The following PRAG1 variants were observed in gnomAD, a reference collection of about 807,000 sequenced individuals.
The protein encoded by PRAG1 is PEAK1 related, kinase-activating pseudokinase 1, also known as inactive tyrosine-protein kinase PRAG1.
Under a neutral mutation model 95.6 loss-of-function variants are expected in PRAG1, and 110 were observed. The ratio of observed to expected loss-of-function variants is 1.15; its 90% CI spans 0.99 to 1.35. The LOEUF is 1.35. Among genes scored for constraint, PRAG1 ranks in the 40% most tolerant of loss-of-function variants. The pLI is 0.00. For missense variants in PRAG1, 2,554 were observed against 1,864.7 expected, an observed-to-expected ratio of 1.37 and a Z score of -6.81; for synonymous variants, 1,052 against 819.4, an observed-to-expected ratio of 1.28 and a Z score of -4.85.
At chr8:8,374,559 G>T in intron 3 of PRAG1, 1 of 730,526 alleles carries the variant, frequency 1.4e-6, no homozygotes, top group Non-Finnish European at 1.7e-6. Flanking sequence ...TACCTCTTAG[G>T]GCTGTTCTGA....
At position 8,368,854 on chromosome 8, in the gene PRAG1, G is replaced by A. The variant is rs1390351211; in HGVS notation, c.2162+7393C>T. Among the ~76,000 whole-genome samples the A allele has an allele frequency of 9.3e-5, 14 of 149,998 alleles. No individual in the cohort carries two copies. In the Admixed American group the frequency reaches 9.4e-4, roughly 10 times the overall value. On this transcript the variant is annotated intron_variant, in intron 3 of 5. Coordinates refer to ENST00000615670, the MANE Select transcript of PRAG1 (RefSeq NM_001080826.3). ...TCTGGTGGAAAAAAAAAAGTGTTTA[G>A]ATGATTACTACCTGAGAAAATATTA...
intron 5 of PRAG1, 46 bp from the exon 6 acceptor site, chr8:8,319,348 C>G: frequency 6.9e-7 from 1 of 1,454,340 alleles, no homozygotes; most frequent in Non-Finnish European, 9.2e-7. Context: ...GCCCATGGTT[C>G]CGCCCAGCAA....
chr8:8,372,584 G>A (rs2945855), intron 3 of PRAG1, among the ~76,000 whole-genome samples: 1 of 152,188 alleles, frequency 6.6e-6, no homozygotes, highest in Non-Finnish European at 1.5e-5. Flanking sequence ...GGGTTGGGCA[G>A]GCACTTAACC....
intron 3 of PRAG1, among the ~76,000 whole-genome samples, chr8:8,348,075 C>A (rs1799405314): frequency 6.6e-6 from 1 of 152,148 alleles, no homozygotes; most frequent in South Asian, 2.1e-4. Context: ...TGCCACCACA[C>A]CCGGTTAAGT....
At chr8:8,326,156 ATAAT>A (rs1360151646) in intron 5 of PRAG1, among the ~76,000 whole-genome samples, 1 of 146,036 alleles carries the variant, frequency 6.8e-6, no homozygotes, top group Non-Finnish European at 1.5e-5. Flanking sequence ...GTATATATAA[ATAAT>A]AAATAATTAT....
At chr8:8,373,504 C>G (rs1024267877) in intron 3 of PRAG1, among the ~76,000 whole-genome samples, 2 of 144,254 alleles carry the variant, frequency 1.4e-5, no homozygotes, top group Admixed American at 1.4e-4. Context: ...GGCAGGAGTA[C>G]AGTGGCACAA....
chr8:8,363,401 T>C (rs1799907675), intron 3 of PRAG1, among the ~76,000 whole-genome samples: 1 of 152,172 alleles, frequency 6.6e-6, no homozygotes, highest in African/African-American at 2.4e-5. Context: ...AGGAAGGAAA[T>C]TCTGACACAT....
intron 3 of PRAG1, among the ~76,000 whole-genome samples, chr8:8,361,581 C>T (rs909702514): frequency 6.6e-6 from 1 of 152,202 alleles, no homozygotes; most frequent in South Asian, 2.1e-4. Flanking sequence ...AGAACAGGCC[C>T]TTGCCACCAG....
At chr8:8,323,264 T>A (rs546937704) in intron 5 of PRAG1, among the ~76,000 whole-genome samples, 2 of 152,042 alleles carry the variant, frequency 1.3e-5, no homozygotes, top group Non-Finnish European at 2.9e-5. Context: ...GTTCTCATGA[T>A]AGTGAGTGAG....
intron 3 of PRAG1, among the ~76,000 whole-genome samples, chr8:8,362,993 G>A (rs141889057): frequency 6.6e-6 from 1 of 151,866 alleles, no homozygotes; most frequent in East Asian, 1.9e-4. Flanking sequence ...GCCTGGGCAT[G>A]CTGAGACATG....
rs536478179 is a variant in PRAG1, at chr8:8,339,985, G to C, written c.2163-350C>G. On this transcript the variant is annotated intron_variant, in intron 3 of 5. Coordinates refer to ENST00000615670, the MANE Select transcript of PRAG1 (RefSeq NM_001080826.3). ...TAAAATCTCTACAAAGAAAAATAAA[G>C]ATATTATCATACACACCAATGTATA... Among the ~76,000 whole-genome samples, 5 of 152,296 alleles carry C rather than the reference G, an allele frequency of 3.3e-5. No individual in the cohort carries two copies. In the East Asian group the frequency reaches 9.6e-4, roughly 29 times the overall value.
At chr8:8,371,698 C>T (rs1370038662) in intron 3 of PRAG1, among the ~76,000 whole-genome samples, 2 of 152,026 alleles carry the variant, frequency 1.3e-5, no homozygotes, top group Non-Finnish European at 2.9e-5. Context: ...GGTGAAACTC[C>T]GTCTCTACAA....
intron 5 of PRAG1, among the ~76,000 whole-genome samples, chr8:8,326,350 G>C (rs1027198426): frequency 7.9e-5 from 12 of 151,696 alleles, no homozygotes; most frequent in African/African-American, 2.9e-4. Context: ...ACCCCACCAA[G>C]GCCATTTCAA....
intron 3 of PRAG1, among the ~76,000 whole-genome samples, chr8:8,357,062 C>T (rs974748080): frequency 1.3e-5 from 2 of 152,072 alleles, no homozygotes; most frequent in Admixed American, 1.3e-4. Context: ...AACTTAAGAC[C>T]TAAAACTATA....
chr8:8,363,346 G>A (rs1166459349), intron 3 of PRAG1, among the ~76,000 whole-genome samples: 1 of 152,080 alleles, frequency 6.6e-6, no homozygotes, highest in Non-Finnish European at 1.5e-5. Context: ...TTTCACAATA[G>A]TACAACGGTA....
chr8:8,369,778 C>G (rs547749126), intron 3 of PRAG1, among the ~76,000 whole-genome samples: 24 of 150,416 alleles, frequency 1.6e-4, no homozygotes, highest in African/African-American at 5.9e-4. Flanking sequence ...AGGGAGAGGA[C>G]TATAAGGTAC....
chr8:8,373,794 T>G (rs1186740163), intron 3 of PRAG1, among the ~76,000 whole-genome samples: 1 of 152,170 alleles, frequency 6.6e-6, no homozygotes, highest in African/African-American at 2.4e-5. Context: ...TGTTTATTTT[T>G]TAAGAGCTGA....
chr8:8,356,829 T>C (rs1359573517), intron 3 of PRAG1, among the ~76,000 whole-genome samples: 3 of 152,186 alleles, frequency 2.0e-5, no homozygotes, highest in Admixed American at 6.5e-5. Flanking sequence ...TACTAGCATA[T>C]AGACATATAG....
At chr8:8,350,924 AT>A (rs1799499793) in intron 3 of PRAG1, among the ~76,000 whole-genome samples, 1 of 151,904 alleles carries the variant, frequency 6.6e-6, no homozygotes. Flanking sequence ...GGATGGATGG[AT>A]GGATGGATGG....
Sources: gnomAD v4.1 joint callset for allele counts (sites outside exome capture counted in the v4.1 genomes callset) on GRCh38, gnomAD v4.1.1 for gene constraint, MANE v1.5 for transcripts, NCBI Gene and HGNC (gene_info 2026-07-23, HGNC 2026-07-21) for gene names.